Variants in RABGAP1L observed in about 807,000 individuals in gnomAD.
RABGAP1L encodes rab GTPase-activating protein 1-like.
In RABGAP1L, 63 loss-of-function variants were observed where a neutral mutation model predicts 137.7. That is an observed-to-expected ratio of 0.46 (90% CI 0.37 to 0.56). The LOEUF is 0.56. Ranked by LOEUF, RABGAP1L falls within the 20% of genes least tolerant of loss-of-function variation. RABGAP1L has a pLI of 0.00. For missense variants in RABGAP1L, 1,095 were observed against 1,244.0 expected, an observed-to-expected ratio of 0.88 and a Z score of 1.80; for synonymous variants, 431 against 433.7, an observed-to-expected ratio of 0.99 and a Z score of 0.08.
At chr1:174,562,904 G>A (rs1667318725) in intron 13 of RABGAP1L, among the ~76,000 whole-genome samples, 1 of 152,142 alleles carries the variant, frequency 6.6e-6, no homozygotes, top group African/African-American at 2.4e-5. Flanking sequence ...ACCTAATGTA[G>A]ATGGTGGGTT....
intron 13 of RABGAP1L, among the ~76,000 whole-genome samples, chr1:174,528,585 T>G (rs564799325): frequency 7.3e-6 from 1 of 137,918 alleles, no homozygotes; most frequent in East Asian, 2.0e-4. Context: ...AGTCTGATGG[T>G]TTTTTTTTTT....
At chr1:174,432,910 G>A (rs1652817482) in intron 13 of RABGAP1L, among the ~76,000 whole-genome samples, 1 of 152,130 alleles carries the variant, frequency 6.6e-6, no homozygotes, top group Non-Finnish European at 1.5e-5. Context: ...AAGAGAAAGT[G>A]TTATTATTAA....
At chr1:174,749,203 A>T (rs1195408318) in intron 17 of RABGAP1L, among the ~76,000 whole-genome samples, 1 of 151,738 alleles carries the variant, frequency 6.6e-6, no homozygotes, top group Non-Finnish European at 1.5e-5. Context: ...AAAAGAAAAG[A>T]CATCAGTCAA....
chr1:174,747,583 T>C (rs534909879), intron 17 of RABGAP1L, among the ~76,000 whole-genome samples: 3 of 152,268 alleles, frequency 2.0e-5, no homozygotes, highest in East Asian at 1.9e-4. Context: ...TAAGCAGATA[T>C]AGTAATACCT....
intron 11 of RABGAP1L, among the ~76,000 whole-genome samples, chr1:174,335,513 T>C (rs746641921): frequency 6.6e-5 from 10 of 152,236 alleles, no homozygotes; most frequent in Non-Finnish European, 1.2e-4. Flanking sequence ...CCAATAATCT[T>C]AGCAGAAAGT....
chr1:174,563,353 C>T (rs1056646346), intron 13 of RABGAP1L, among the ~76,000 whole-genome samples: 2 of 152,138 alleles, frequency 1.3e-5, no homozygotes, highest in Non-Finnish European at 2.9e-5. Context: ...TTTGTGCTGG[C>T]TGCCATATGG....
At chr1:174,319,474 A>G (rs1002031354) in intron 11 of RABGAP1L, among the ~76,000 whole-genome samples, 3 of 152,122 alleles carry the variant, frequency 2.0e-5, no homozygotes, top group Non-Finnish European at 2.9e-5. Context: ...ATATGTCATT[A>G]TGTCACCTGA....
At position 174,847,741 on chromosome 1, in the gene RABGAP1L, G is replaced by A. The variant is rs560045543; in HGVS notation, c.2340+35781G>A. On this transcript the variant is annotated intron_variant, in intron 19 of 25. Coordinates refer to ENST00000681986, the MANE Select transcript of RABGAP1L (RefSeq NM_001366446.1). Reference sequence around the variant, plus strand: ...TCTTCTCGAGGATTATCTTTGTGGCGTTCTCTGTATTTCCTGAGTCTGAAC... The same window carrying A: ...TCTTCTCGAGGATTATCTTTGTGGCATTCTCTGTATTTCCTGAGTCTGAAC... Among the ~76,000 whole-genome samples, 7 of 116,854 alleles carry A rather than the reference G, an allele frequency of 6.0e-5. 1 individual carries two copies. In the East Asian group the frequency reaches 7.3e-4, roughly 12 times the overall value. 76.7% of individuals were successfully genotyped at this position (116,854 alleles called of 152,430 possible).
At chr1:174,586,184 C>T (rs141145092) in intron 13 of RABGAP1L, among the ~76,000 whole-genome samples, 6,723 of 152,206 alleles carry the variant, frequency 0.044, 508 homozygotes, top group African/African-American at 0.15. Flanking sequence ...CCATTGAATA[C>T]TATGCAGCCA....
Position 174,990,699 on chromosome 1 carries a change from G to A in RABGAP1L, c.*698G>A, listed in dbSNP as rs1671998068. ...TCATTTGGGCTGTGGTATTCTAACA[G>A]ATCCTTTTAAGAATGCCACATAGGA... On this transcript the variant is annotated 3_prime_UTR_variant, in exon 26 of 26. Coordinates refer to ENST00000681986, the MANE Select transcript of RABGAP1L (RefSeq NM_001366446.1). 1 of 152,112 alleles carries A rather than the reference G, an allele frequency of 6.6e-6. No individual in the cohort carries two copies. The highest frequency in any genetic ancestry group is 1.5e-5 in the Non-Finnish European group (1 of 67,970). 9.4% of individuals were successfully genotyped at this position (152,112 alleles called of 1,614,324 possible). A position where few individuals can be genotyped will look rare whatever the true frequency, so the allele number is the denominator to read the frequency against.
At chr1:174,246,442 T>C (rs1340700750) in intron 5 of RABGAP1L, 1 of 152,208 alleles carries the variant, frequency 6.6e-6, no homozygotes, top group Non-Finnish European at 1.5e-5. Context: ...CCTTTCTTGA[T>C]GTACAGTTAG....
At chr1:174,385,652 G>A (rs1686702407) in intron 12 of RABGAP1L, among the ~76,000 whole-genome samples, 1 of 152,158 alleles carries the variant, frequency 6.6e-6, no homozygotes, top group South Asian at 2.1e-4. Context: ...TCAGGCAAAG[G>A]AGCCCAAGAA....
Position 174,284,279 on chromosome 1 carries a change from C to T in RABGAP1L, c.1323+5500C>T, listed in dbSNP as rs574800348. 3.3e-5 allele frequency among the ~76,000 whole-genome samples: 5 copies of T among 152,298 alleles called. No homozygotes were observed. In the East Asian group the frequency reaches 7.7e-4, roughly 24 times the overall value. On this transcript the variant is annotated intron_variant, in intron 10 of 25. Coordinates refer to ENST00000681986, the MANE Select transcript of RABGAP1L (RefSeq NM_001366446.1). ...CCCAAACCCCATCTCCTGGCAACCA[C>T]CATTCTACTCTGTTTCTATGAGTTT... is the stretch of plus-strand genomic sequence containing the variant.
intron 18 of RABGAP1L, among the ~76,000 whole-genome samples, chr1:174,811,037 G>A (rs1395712812): frequency 6.6e-6 from 1 of 152,154 alleles, no homozygotes; most frequent in Non-Finnish European, 1.5e-5. Flanking sequence ...GGGAGGTTGA[G>A]GTTGCAGGGA....
At chr1:174,577,663 A>G (rs746041463) in intron 13 of RABGAP1L, among the ~76,000 whole-genome samples, 11 of 152,250 alleles carry the variant, frequency 7.2e-5, no homozygotes, top group Non-Finnish European at 1.5e-4. Flanking sequence ...TTCTAAAACC[A>G]ACCATTAAAC....
At chr1:174,629,453 G>C (rs1351672840) in intron 13 of RABGAP1L, among the ~76,000 whole-genome samples, 3 of 152,170 alleles carry the variant, frequency 2.0e-5, no homozygotes, top group Admixed American at 6.5e-5. Flanking sequence ...TTAGCCAAAT[G>C]AGAGCACTGT....
intron 19 of RABGAP1L, among the ~76,000 whole-genome samples, chr1:174,848,773 G>T (rs1181242855): frequency 6.7e-6 from 1 of 150,086 alleles, no homozygotes; most frequent in Non-Finnish European, 1.5e-5. Flanking sequence ...GAGCTTCCCG[G>T]CTGCTTTGTT....
rs1670856793 is a variant in RABGAP1L, at chr1:174,978,798, T to A, written c.2650-9T>A. On this transcript the variant is annotated splice_polypyrimidine_tract_variant and intron_variant, in intron 22 of 25. Coordinates refer to ENST00000681986, the MANE Select transcript of RABGAP1L (RefSeq NM_001366446.1). ...TAAATCCTGATATTTCTCATTCTATTCTTTCTAGCTAAAAGAAGTCTTCAG... is the reference window on the plus strand; with the variant it reads ...TAAATCCTGATATTTCTCATTCTATACTTTCTAGCTAAAAGAAGTCTTCAG... 4 of 1,526,186 alleles carry A rather than the reference T, an allele frequency of 2.6e-6. No homozygotes were observed. The highest frequency in any genetic ancestry group is 1.7e-4 in the Middle Eastern group (1 of 5,758). 94.5% of individuals were successfully genotyped at this position (1,526,186 alleles called of 1,614,324 possible).
intron 9 of RABGAP1L, among the ~76,000 whole-genome samples, chr1:174,277,404 CAA>C (rs768165407): frequency 1.6e-4 from 24 of 151,708 alleles, no homozygotes; most frequent in Non-Finnish European, 3.2e-4. Flanking sequence ...TTTTGCATAT[CAA>C]GTTATAAAAA....
Sources: gnomAD v4.1 joint callset for allele counts (sites outside exome capture counted in the v4.1 genomes callset) on GRCh38, gnomAD v4.1.1 for gene constraint, MANE v1.5 for transcripts, NCBI Gene and HGNC (gene_info 2026-07-23, HGNC 2026-07-21) for gene names.